The following NXNL2 variants were observed in gnomAD, a reference collection of about 807,000 sequenced individuals.
The protein encoded by NXNL2 is nucleoredoxin-like protein 2.
NXNL2 carries 7 observed loss-of-function variants against 11.1 expected under a neutral mutation model. The ratio of observed to expected loss-of-function variants is 0.63; its 90% CI spans 0.36 to 1.18. The LOEUF is 1.18. Among genes scored for constraint, NXNL2 ranks in the 50% most tolerant of loss-of-function variants. NXNL2 has a pLI of 0.02. For synonymous variants in NXNL2, 109 were observed against 101.8 expected (o/e 1.07, Z -0.42); for missense variants, 233 against 217.7 (o/e 1.07, Z -0.44).
chr9:88,569,733 CTT>C (rs1407298845), intron 1 of NXNL2, among the ~76,000 whole-genome samples: 3 of 152,142 alleles, frequency 2.0e-5, no homozygotes, highest in Admixed American at 2.0e-4. Flanking sequence ...TCTTCTTTGA[CTT>C]ATTAATATAG....
intron 1 of NXNL2, among the ~76,000 whole-genome samples, chr9:88,552,130 G>A (rs77645787): frequency 0.037 from 5,647 of 152,202 alleles, 137 homozygotes; most frequent in South Asian, 0.079. Flanking sequence ...GGATAAACCA[G>A]TTGGTTCTCA....
chr9:88,535,182 G>A lies in NXNL2; in HGVS notation c.-253G>A, dbSNP rs1246975771. 7.4e-6 allele frequency: 4 copies of A among 542,848 alleles called. No homozygotes were observed. The highest frequency in any genetic ancestry group is 3.7e-5 in the Admixed American group (1 of 26,790). The allele number at this position is 542,848 out of a possible 1,614,324, so 33.6% of individuals were successfully genotyped here. On this transcript the variant is annotated 5_prime_UTR_variant, in exon 1 of 2. Coordinates refer to ENST00000375854, the MANE Select transcript of NXNL2 (RefSeq NM_001161625.2). ...TGCCTGGCTGGCCCCGCTCCCAGAG[G>A]CGGGTGCCGCGCTGTCGCCCAGGTA...
At chr9:88,578,560 T>C (rs1830374906), downstream of NXNL2, among the ~76,000 whole-genome samples, 1 of 152,352 alleles carries the variant, frequency 6.6e-6, no homozygotes, top group East Asian at 1.9e-4. Context: ...TGCCGCTGGC[T>C]GTGTATTTTC....
chr9:88,539,804 C>T (rs1829710736), intron 1 of NXNL2: 1 of 152,184 alleles, frequency 6.6e-6, no homozygotes, highest in Non-Finnish European at 1.5e-5. Context: ...TCTCCTGCCT[C>T]AGCCTCCCAA....
At chr9:88,577,960 C>G (rs1472258124), downstream of NXNL2, among the ~76,000 whole-genome samples, 2 of 152,250 alleles carry the variant, frequency 1.3e-5, no homozygotes, top group African/African-American at 4.8e-5. Context: ...GGCGCAGGCC[C>G]CTGCCGTTAT....
intron 1 of NXNL2, among the ~76,000 whole-genome samples, chr9:88,543,335 C>T (rs759705425): frequency 3.3e-5 from 5 of 151,640 alleles, no homozygotes; most frequent in Non-Finnish European, 5.9e-5. Context: ...GGCACTAACA[C>T]GGCTCACTGC....
At chr9:88,563,762 A>G (rs115734271) in intron 1 of NXNL2, among the ~76,000 whole-genome samples, 5,103 of 151,968 alleles carry the variant, frequency 0.034, 304 homozygotes, top group African/African-American at 0.11. Context: ...GTGGCTGGCT[A>G]GGCGTTCTCT....
chr9:88,557,723 G>A (rs1202752130), intron 1 of NXNL2, among the ~76,000 whole-genome samples: 1 of 152,188 alleles, frequency 6.6e-6, no homozygotes, highest in Non-Finnish European at 1.5e-5. Flanking sequence ...GAGGAGAATG[G>A]CAAAGCCCAG....
At position 88,535,626 on chromosome 9, in the gene NXNL2, C is replaced by T. The variant is rs769965204; in HGVS notation, c.192C>T (p.Pro64=). ...ALVAEARRPA[P]FEVVFVSADG... ...TGGCCGAGGCGCGGCGGCCCGCGCC[C>T]TTCGAAGTGGTCTTCGTGTCAGCCG... The change falls in exon 1 of 2, where the codon CCC becomes CCT. Residue 64 remains proline (P), a synonymous_variant. Transcript: ENST00000375854. The T allele has an allele frequency of 1.2e-6, 2 of 1,609,016 alleles. No individual in the cohort carries two copies. Among genetic ancestry groups the T allele is most frequent in the African/African-American group, 2.7e-5 (2 of 74,914 alleles).
At chr9:88,554,731 G>T (rs1468066081) in intron 1 of NXNL2, among the ~76,000 whole-genome samples, 1 of 152,130 alleles carries the variant, frequency 6.6e-6, no homozygotes, top group Non-Finnish European at 1.5e-5. Context: ...AGTGTTTTTG[G>T]CAGGTTACCG....
chr9:88,543,764 C>T (rs1242805708), intron 1 of NXNL2, among the ~76,000 whole-genome samples: 1 of 152,164 alleles, frequency 6.6e-6, no homozygotes, highest in East Asian at 1.9e-4. Flanking sequence ...GCACACTAGC[C>T]ACATTCTGAG....
chr9:88,541,270 T>C (rs1249279500), intron 1 of NXNL2, among the ~76,000 whole-genome samples: 1 of 145,832 alleles, frequency 6.9e-6, no homozygotes, highest in African/African-American at 2.5e-5. Context: ...TCAGTAGACA[T>C]TTTTTTTAGA....
intron 1 of NXNL2, among the ~76,000 whole-genome samples, chr9:88,540,779 C>T (rs1437405178): frequency 6.6e-6 from 1 of 152,082 alleles, no homozygotes; most frequent in African/African-American, 2.4e-5. Flanking sequence ...ATAGGCCTGT[C>T]CTGGCAGGGG....
Position 88,535,747 on chromosome 9 carries a change from G to A in NXNL2, c.302+11G>A. 7 of 1,541,508 alleles carry A rather than the reference G, an allele frequency of 4.5e-6. No individual in the cohort carries two copies. The highest frequency in any genetic ancestry group is 5.2e-6 in the Non-Finnish European group (6 of 1,154,198). ...CGACCCCTACCGGCAGTGAGTGGGG[G>A]TCCTGGGGGGGCGGGGGCCGCCCGG... On this transcript the variant is annotated intron_variant, in intron 1 of 1. Transcript: ENST00000375854.
intron 2 of NXNL2, among the ~76,000 whole-genome samples, chr9:88,573,490 A>G (rs1032824972): frequency 6.6e-6 from 1 of 152,194 alleles, no homozygotes; most frequent in Non-Finnish European, 1.5e-5. Context: ...CTTGGGTGAT[A>G]TTGGAGAAAT....
At chr9:88,560,003 G>C (rs556883066) in intron 1 of NXNL2, among the ~76,000 whole-genome samples, 1 of 152,234 alleles carries the variant, frequency 6.6e-6, no homozygotes, top group East Asian at 1.9e-4. Context: ...TCCTGGCCCT[G>C]CTGCGTGGCC....
At chr9:88,554,301 G>A (rs1394697280) in intron 1 of NXNL2, among the ~76,000 whole-genome samples, 1 of 152,180 alleles carries the variant, frequency 6.6e-6, no homozygotes, top group Admixed American at 6.6e-5. Flanking sequence ...CACCTCCCAC[G>A]TTCAAGTGAT....
intron 1 of NXNL2, among the ~76,000 whole-genome samples, chr9:88,562,278 G>T (rs991911802): frequency 2.0e-5 from 3 of 152,100 alleles, no homozygotes; most frequent in African/African-American, 4.8e-5. Context: ...CTTGGTGGAG[G>T]GGTGGTTAGA....
chr9:88,577,623 A>AAGAG (rs5899044), downstream of NXNL2, among the ~76,000 whole-genome samples: 124,658 of 149,408 alleles, frequency 0.83, 52,155 homozygotes, highest in Non-Finnish European at 0.89. Flanking sequence ...TGGAGAGAGA[A>AAGAG]AGAGAGAGAG....
Sources: allele counts gnomAD v4.1 joint callset (sites outside exome capture counted in the v4.1 genomes callset), GRCh38; gene constraint gnomAD v4.1.1; transcripts MANE v1.5; gene names NCBI Gene and HGNC (gene_info 2026-07-23, HGNC 2026-07-21).